The following E2F1 variants were observed in gnomAD, a reference collection of about 807,000 sequenced individuals.
E2F1 encodes transcription factor E2F1.
E2F1 carries 7 observed loss-of-function variants against 36.9 expected under a neutral mutation model. The observed-to-expected ratio is 0.19, with a 90% confidence interval of 0.11 to 0.36. E2F1 has a LOEUF of 0.36. E2F1 is among the 10% of genes least tolerant of loss of function. The pLI is 1.00. For missense variants in E2F1, 406 were observed against 573.6 expected (o/e 0.71, Z 2.99); for synonymous variants, 261 against 263.1 (o/e 0.99, Z 0.08).
chr20:33,676,998 T>G lies in E2F1; in HGVS notation c.1067-19A>C. On this transcript the variant is annotated intron_variant, in intron 6 of 6. Coordinates refer to ENST00000343380, the MANE Select transcript of E2F1 (RefSeq NM_005225.3). ...AGCGGTTCTGGGGAGACGGGGAGCATCACAGGCCGGGGATGCCCCAGCAGG... is the reference window on the plus strand; with the variant it reads ...AGCGGTTCTGGGGAGACGGGGAGCAGCACAGGCCGGGGATGCCCCAGCAGG... 6.4e-7 allele frequency: 1 copy of G among 1,558,516 alleles called. No individual in the cohort carries two copies. Among genetic ancestry groups the G allele is most frequent in the African/African-American group, 1.3e-5 (1 of 74,210 alleles).
chr20:33,685,333 G>A (rs941472274), intron 1 of E2F1, among the ~76,000 whole-genome samples: 4 of 152,122 alleles, frequency 2.6e-5, no homozygotes, highest in African/African-American at 9.7e-5. Flanking sequence ...CGCCCCTGCA[G>A]AGAAGGCCTC....
Position 33,680,356 on chromosome 20 carries a change from C to T in E2F1, c.322G>A (p.Ala108Thr). 6.2e-7 allele frequency: 1 copy of T among 1,614,242 alleles called. No homozygotes were observed. The highest frequency in any genetic ancestry group is 1.1e-5 in the South Asian group (1 of 91,076). ...CCTGGATGGCGGCCTCTGCCCCGAG[C>T]TGGCCCACTGCTCTCGGCCAGGTAC... ...HQYLAESSGP[A>T]RGRGRHPGKG... Residue 108 changes from alanine to threonine, a missense_variant, in exon 2 of 7, where the codon GCT becomes ACT. By Grantham distance (58) the Ala-to-Thr change is moderately conservative. Around this residue, in one of 5 missense-constraint regions of E2F1, gnomAD observed 77 missense variants for 131.7 expected, o/e 0.58. Coordinates refer to ENST00000343380, the MANE Select transcript of E2F1 (RefSeq NM_005225.3).
At position 33,676,806 on chromosome 20, in the gene E2F1, C is replaced by T; in HGVS notation, c.1240G>A (p.Gly414Ser). 4.4e-6 allele frequency: 7 copies of T among 1,602,706 alleles called. No individual in the cohort carries two copies. Among genetic ancestry groups the T allele is most frequent in the East Asian group, 2.3e-5 (1 of 44,128 alleles). The change falls in exon 7 of 7, where the codon GGC (glycine) becomes AGC (serine). Residue 414 changes from glycine to serine, a missense_variant. By Grantham distance (56) the Gly-to-Ser change is moderately conservative. Around this residue, in one of 5 missense-constraint regions of E2F1, gnomAD observed 163 missense variants for 181.5 expected, o/e 0.90. Transcript: ENST00000343380. ...CTGATGCCCTCGCCCTCCTCGAGGC[C>T]GAAGTGGTAGTCGAGGGCCTCGTGG... ...PPHEALDYHF[G>S]LEEGEGIRDL...
intron 2 of E2F1, 30 bp from the exon 3 acceptor site, chr20:33,680,004 C>A: frequency 1.3e-6 from 2 of 1,551,410 alleles, no homozygotes; most frequent in Non-Finnish European, 1.8e-6. Flanking sequence ...CAAGACAGGG[C>A]CCTTCAGCAT....
Position 33,679,853 on chromosome 20 carries a change from C to CTCGGCAGCCCAGTTCAGG in E2F1, c.456_473dup (p.Asp152_Ala157dup). ...TGCGCCGCTTCTGCACCTTCAGCAC[C>CTCGGCAGCCCAGTTCAGG]TCGGCAGCCCAGTTCAGGTCGACGA... On this transcript the variant is annotated inframe_insertion, in exon 3 of 7. Coordinates refer to ENST00000343380, the MANE Select transcript of E2F1 (RefSeq NM_005225.3). This position sits in a 1 kb window ranked among gnomAD's most constrained non-coding sequence, Gnocchi z 4.6. 1 of 1,614,232 alleles carries CTCGGCAGCCCAGTTCAGG rather than the reference C, an allele frequency of 6.2e-7. No homozygotes were observed.
Position 33,679,006 on chromosome 20 carries a change from A to AAC in E2F1, c.573-655_573-654dup, listed in dbSNP as rs1379871568. On this transcript the variant is annotated intron_variant, in intron 3 of 6. Transcript: ENST00000343380. This position sits in a 1 kb window ranked among gnomAD's most constrained non-coding sequence, Gnocchi z 4.6. ...AATGGAACGATCTACCAAAAAATGA[A>AAC]ACGGCAGGTGTATCAAAGAAAGGGT... Among the ~76,000 whole-genome samples, 8 of 151,450 alleles carry AAC rather than the reference A, an allele frequency of 5.3e-5. No homozygotes were observed. The East Asian group carries it at 1.2e-3, about 23-fold the overall frequency.
At chr20:33,683,806 A>T (rs2018039436) in intron 1 of E2F1, among the ~76,000 whole-genome samples, 2 of 152,212 alleles carry the variant, frequency 1.3e-5, no homozygotes, top group Non-Finnish European at 2.9e-5. Flanking sequence ...AAAAAAGTTA[A>T]GTTTTCTACA....
chr20:33,676,710 ACCCTGGTCCCTCCAAG>A lies in E2F1; in HGVS notation c.*6_*21del. ...AGAGACAAGGTGAGCATCTCTGGAA[ACCCTGGTCCCTCCAAG>A]CCCTGTCAGAAATCCAGGGGGGTGA... is the stretch of plus-strand genomic sequence containing the variant. On this transcript the variant is annotated 3_prime_UTR_variant, in exon 7 of 7. Transcript: ENST00000343380. The A allele has an allele frequency of 6.3e-7, 1 of 1,583,386 alleles. No homozygotes were observed.
rs570634631 is a variant in E2F1 at position 33,678,607 on chromosome 20, G to A, written c.573-254C>T. Among the ~76,000 whole-genome samples the A allele has an allele frequency of 1.8e-4, 28 of 151,812 alleles. 1 individual carries two copies. The highest frequency in any genetic ancestry group is 6.3e-4 in the African/African-American group (26 of 41,378). On this transcript the variant is annotated intron_variant, in intron 3 of 6. Transcript: ENST00000343380. The stretch of plus-strand genomic sequence containing the variant: ...ACAAATGATGGGACTGACATGCCAC[G>A]AAATATTACACATGCACACACACAT...
At chr20:33,683,087 AGCCTT>A (rs1421318612) in intron 1 of E2F1, among the ~76,000 whole-genome samples, 1 of 152,192 alleles carries the variant, frequency 6.6e-6, no homozygotes, top group Non-Finnish European at 1.5e-5. Flanking sequence ...AAACAAAAAT[AGCCTT>A]AGGGAAAAAA....
At chr20:33,684,174 A>C (rs980407066) in intron 1 of E2F1, among the ~76,000 whole-genome samples, 1 of 152,210 alleles carries the variant, frequency 6.6e-6, no homozygotes, top group Non-Finnish European at 1.5e-5. Context: ...GGTGGAGTGG[A>C]GGGCATTTTT....
At chr20:33,680,084 C>T (rs2018004368) in intron 2 of E2F1, 110 bp from the exon 3 acceptor site, 1 of 1,017,786 alleles carries the variant, frequency 9.8e-7, no homozygotes, top group Non-Finnish European at 1.5e-6. Flanking sequence ...GGCTGGGGGA[C>T]AGCCAGCTCC....
rs535573433 is a variant in E2F1 at position 33,677,245 on chromosome 20, C to T, written c.926G>A (p.Gly309Glu). 5 of 1,614,118 alleles carry T rather than the reference C, an allele frequency of 3.1e-6. No individual in the cohort carries two copies. The highest frequency in any genetic ancestry group is 4.5e-5 in the East Asian group (2 of 44,880). The change falls in exon 6 of 7, where the codon GGG (glycine) becomes GAG (glutamate). Residue 309 changes from glycine to glutamate, a missense_variant. Gly to Glu is a moderately conservative substitution (Grantham distance 98). Coordinates refer to ENST00000343380, the MANE Select transcript of E2F1 (RefSeq NM_005225.3). Reference sequence around the variant, plus strand: ...AGTGACCTCCTGGGATGGGGTCTTCCCAGGGCTGATCCCACCTACGGTCTC... The same window carrying T: ...AGTGACCTCCTGGGATGGGGTCTTCTCAGGGCTGATCCCACCTACGGTCTC... ...PEETVGGISP[G>E]KTPSQEVTSE...
At chr20:33,680,522 G>A (rs996886800) in intron 1 of E2F1, 106 bp from the exon 2 acceptor site, 1 of 912,072 alleles carries the variant, frequency 1.1e-6, no homozygotes, top group Non-Finnish European at 1.7e-6. Context: ...TTCTCTAGCA[G>A]GATGCCTGAG....
At chr20:33,678,428 A>T in intron 3 of E2F1, 75 bp from the exon 4 acceptor site, 1 of 1,565,450 alleles carries the variant, frequency 6.4e-7, no homozygotes, top group East Asian at 2.3e-5. Flanking sequence ...GCCTCAGGAC[A>T]GAGTCTGCTG....
chr20:33,686,138 T>G lies in E2F1; in HGVS notation c.127A>C (p.Ser43Arg). 9.4e-7 allele frequency: 1 copy of G among 1,058,240 alleles called. No individual in the cohort carries two copies. Among genetic ancestry groups the G allele is most frequent in the Admixed American group, 5.5e-5 (1 of 18,040 alleles). 65.6% of individuals were successfully genotyped at this position (1,058,240 alleles called of 1,614,324 possible). The change falls in exon 1 of 7, where the codon AGC (serine) becomes CGC (arginine). Residue 43 changes from serine (S) to arginine (R), a missense_variant. Physicochemically the swap from Ser to Arg is moderately radical, Grantham distance 110. Transcript: ENST00000343380. ...GGGCCGGTGGGAGCCGGCGGGGCGCTGGCGTCCTGCGCGGCGGAGATGATG... is the reference window on the plus strand; with the variant it reads ...GGGCCGGTGGGAGCCGGCGGGGCGCGGGCGTCCTGCGCGGCGGAGATGATG... The part of the protein sequence containing the change: ...IVIISAAQDA[S>R]APPAPTGPAA...
rs897129724 is a variant in E2F1 at position 33,679,051 on chromosome 20, C to T, written c.573-698G>A. ...AAGGGTAGTAGCATGATGACTGGCG[C>T]GAAGGCGAGAGGGGGAAAATAAAAC... On this transcript the variant is annotated intron_variant, in intron 3 of 6. Transcript: ENST00000343380. The surrounding 1 kb of genome is among the most constrained non-coding windows in gnomAD (Gnocchi z 4.6). Among the ~76,000 whole-genome samples the T allele has an allele frequency of 2.6e-5, 4 of 152,148 alleles. No homozygotes were observed. The highest frequency in any genetic ancestry group is 2.1e-4 in the South Asian group (1 of 4,824).
intron 4 of E2F1, 39 bp downstream of exon 4, chr20:33,678,162 A>C (rs2017982820): frequency 6.3e-7 from 1 of 1,578,794 alleles, no homozygotes; most frequent in Non-Finnish European, 8.7e-7. Flanking sequence ...CCTGCCTGCT[A>C]AGCCTGCCTT....
Position 33,678,370 on chromosome 20 carries a change from G to C in E2F1, c.573-17C>G, listed in dbSNP as rs774734833. On this transcript the variant is annotated splice_polypyrimidine_tract_variant and intron_variant, in intron 3 of 6. Coordinates refer to ENST00000343380, the MANE Select transcript of E2F1 (RefSeq NM_005225.3). ...TGGCTGCCCCTGTGGGGAGGCACCAGGGAGGGTAGGGTTAACAGCGATTGG... is the reference window on the plus strand; with the variant it reads ...TGGCTGCCCCTGTGGGGAGGCACCACGGAGGGTAGGGTTAACAGCGATTGG... 2 of 1,611,202 alleles carry C rather than the reference G, an allele frequency of 1.2e-6. No individual in the cohort carries two copies. Among genetic ancestry groups the C allele is most frequent in the Admixed American group, 1.7e-5 (1 of 59,990 alleles).
Sources: allele counts gnomAD v4.1 joint callset (sites outside exome capture counted in the v4.1 genomes callset), GRCh38; gene constraint gnomAD v4.1.1; regional missense constraint gnomAD v4.1.1; non-coding constraint Gnocchi (gnomAD v3.1); transcripts MANE v1.5; gene names NCBI Gene and HGNC (gene_info 2026-07-23, HGNC 2026-07-21).